KCNIP4: variants seen among roughly 807,000 people sequenced by gnomAD.
KCNIP4 encodes Kv channel-interacting protein 4.
In KCNIP4, 12 loss-of-function variants were observed where a neutral mutation model predicts 34.0. The observed-to-expected ratio is 0.35, with a 90% CI of 0.23 to 0.57. The LOEUF is 0.57. KCNIP4 is among the 20% of genes least tolerant of loss of function. The pLI, the probability that KCNIP4 is intolerant of heterozygous loss-of-function variation, is 0.83. For missense variants in KCNIP4, 238 were observed against 311.7 expected, an observed-to-expected ratio of 0.76 and a Z score of 1.78; for synonymous variants, 124 against 102.2, an observed-to-expected ratio of 1.21 and a Z score of -1.29.
At chr4:21,929,017 T>C (rs1349482822) in intron 1 of KCNIP4, among the ~76,000 whole-genome samples, 31 of 152,100 alleles carry the variant, frequency 2.0e-4, no homozygotes. Context: ...GCACAAATAG[T>C]ATTCAGCACT....
intron 1 of KCNIP4, among the ~76,000 whole-genome samples, chr4:21,911,270 CT>C: frequency 6.6e-6 from 1 of 152,090 alleles, no homozygotes; most frequent in Non-Finnish European, 1.5e-5. Context: ...TGTTCCTATA[CT>C]TGTCAATTAG....
chr4:21,792,614 G>T (rs539650890), intron 1 of KCNIP4, among the ~76,000 whole-genome samples: 1 of 152,326 alleles, frequency 6.6e-6, no homozygotes, highest in Middle Eastern at 3.4e-3. Flanking sequence ...GAGGGTGGAG[G>T]TCGGAGGAAG....
chr4:21,886,166 C>T (rs1210834757), intron 1 of KCNIP4, among the ~76,000 whole-genome samples: 1 of 152,014 alleles, frequency 6.6e-6, no homozygotes, highest in East Asian at 1.9e-4. Flanking sequence ...TTTACTGAAA[C>T]TTATTATGAT....
At chr4:21,768,032 ATC>A (rs1718539717) in intron 1 of KCNIP4, among the ~76,000 whole-genome samples, 2 of 152,126 alleles carry the variant, frequency 1.3e-5, no homozygotes, top group Admixed American at 6.6e-5. Flanking sequence ...TATTATACAC[ATC>A]ATTCCTTAAA....
rs1452799661 is a variant in KCNIP4, at chr4:21,745,766, A to G, written c.61+202805T>C. Among the ~76,000 whole-genome samples, 9 of 152,298 alleles carry G rather than the reference A, an allele frequency of 5.9e-5. No homozygotes were observed. The East Asian group carries it at 1.7e-3, about 29-fold the overall frequency. Reference sequence around the variant, plus strand: ...TATACATGCTTTATGCTAAAAAAATAAGAAAATATTCAAAAGACAAATAAC... The same window carrying G: ...TATACATGCTTTATGCTAAAAAAATGAGAAAATATTCAAAAGACAAATAAC... On this transcript the variant is annotated intron_variant, in intron 1 of 8. Coordinates refer to ENST00000382152, the MANE Select transcript of KCNIP4 (RefSeq NM_025221.6).
intron 1 of KCNIP4, among the ~76,000 whole-genome samples, chr4:21,176,687 A>G (rs867352880): frequency 6.6e-5 from 10 of 152,188 alleles, no homozygotes; most frequent in Middle Eastern, 3.4e-3. Context: ...ACGCCCAGCT[A>G]ATTTTTCCTA....
rs375189591 is a variant in KCNIP4, at chr4:20,850,640, G to C, written c.191C>G (p.Ala64Gly). ...GGCTTCAGGCCGATGCCTGACGGTG[G>C]CCATCTCCAGTTCATCTTCCACGCT... ...QNSVEDELEM[A>G]TVRHRPEALE... The change falls in exon 3 of 9, where the codon GCC (alanine) becomes GGC (glycine). Residue 64 changes from alanine to glycine, a missense_variant. Coordinates refer to ENST00000382152, the MANE Select transcript of KCNIP4 (RefSeq NM_025221.6). 61 of 1,612,152 alleles carry C rather than the reference G, an allele frequency of 3.8e-5. No individual in the cohort carries two copies. The highest frequency in any genetic ancestry group is 6.7e-5 in the Admixed American group (4 of 59,896).
intron 1 of KCNIP4, among the ~76,000 whole-genome samples, chr4:21,755,687 T>G (rs1355301621): frequency 6.6e-6 from 1 of 152,194 alleles, no homozygotes; most frequent in Non-Finnish European, 1.5e-5. Flanking sequence ...GCCACTTAAC[T>G]GGTCAAATAT....
chr4:21,287,980 C>T (rs1250644534), intron 1 of KCNIP4, among the ~76,000 whole-genome samples: 5 of 152,132 alleles, frequency 3.3e-5, no homozygotes, highest in African/African-American at 1.2e-4. Context: ...ATTTGATGAG[C>T]ATCTACTAAG....
chr4:21,168,373 C>T (rs1437008577), intron 1 of KCNIP4, among the ~76,000 whole-genome samples: 1 of 152,132 alleles, frequency 6.6e-6, no homozygotes, highest in East Asian at 1.9e-4. Context: ...CCAACACTTT[C>T]TGCAACTTGA....
intron 1 of KCNIP4, among the ~76,000 whole-genome samples, chr4:21,484,698 C>T (rs1264142004): frequency 6.6e-6 from 1 of 152,098 alleles, no homozygotes. Flanking sequence ...AATCCAAGGG[C>T]CACTTTCTCT....
At chr4:20,957,155 C>T (rs578194914) in intron 1 of KCNIP4, among the ~76,000 whole-genome samples, 1 of 152,288 alleles carries the variant, frequency 6.6e-6, no homozygotes, top group South Asian at 2.1e-4. Flanking sequence ...AAAACAGATG[C>T]ATTAAGTAAA....
intron 1 of KCNIP4, among the ~76,000 whole-genome samples, chr4:21,783,305 G>T (rs1025407835): frequency 3.3e-5 from 5 of 151,904 alleles, no homozygotes; most frequent in African/African-American, 1.2e-4. Context: ...GTTAAACAAA[G>T]CCAAAACTAA....
chr4:21,430,288 C>T lies in KCNIP4; in HGVS notation c.61+518283G>A, dbSNP rs182178303. On this transcript the variant is annotated intron_variant, in intron 1 of 8. Transcript: ENST00000382152. ...TATTTTAATCATTGCCACAAAATTT[C>T]AAAGTGATAACGGCTTTTACAAATT... Among the ~76,000 whole-genome samples, 16 of 151,972 alleles carry T rather than the reference C, an allele frequency of 1.1e-4. 1 individual carries two copies. The South Asian group carries it at 3.1e-3, about 30-fold the overall frequency.
chr4:21,279,790 T>C (rs75685352), intron 1 of KCNIP4, among the ~76,000 whole-genome samples: 2 of 152,068 alleles, frequency 1.3e-5, no homozygotes, highest in Non-Finnish European at 2.9e-5. Flanking sequence ...CCTGGCTTCC[T>C]CTTCTGTAAA....
chr4:21,116,722 A>G (rs1749708975), intron 1 of KCNIP4, among the ~76,000 whole-genome samples: 1 of 152,222 alleles, frequency 6.6e-6, no homozygotes, highest in Admixed American at 6.5e-5. Context: ...TTTGCAGGCC[A>G]TAATAGGCTG....
intron 1 of KCNIP4, among the ~76,000 whole-genome samples, chr4:21,139,780 A>G (rs1470027798): frequency 6.6e-6 from 1 of 152,162 alleles, no homozygotes; most frequent in African/African-American, 2.4e-5. Context: ...GCATCCCATA[A>G]TAAATATCCT....
At chr4:20,864,717 AG>A (rs1236627210) in intron 2 of KCNIP4, among the ~76,000 whole-genome samples, 1 of 152,110 alleles carries the variant, frequency 6.6e-6, no homozygotes, top group African/African-American at 2.4e-5. Context: ...GAGAATTGAA[AG>A]GGGTATTGAG....
rs147613526 is a variant in KCNIP4 at position 20,931,440 on chromosome 4, G to A, written c.62-48731C>T. On this transcript the variant is annotated intron_variant, in intron 1 of 8. Transcript: ENST00000382152. ...AACACAGAGTGGACTTACACAAGCC[G>A]AAATGGTATATACTACTACACAACT... Among the ~76,000 whole-genome samples, 725 of 152,134 alleles carry A rather than the reference G, an allele frequency of 4.8e-3. 11 individuals are homozygous for A. The highest frequency in any genetic ancestry group is 4.8e-3 in the Non-Finnish European group (327 of 67,964).
Sources: allele counts gnomAD v4.1 joint callset (sites outside exome capture counted in the v4.1 genomes callset), GRCh38; gene constraint gnomAD v4.1.1; transcripts MANE v1.5; gene names NCBI Gene and HGNC (gene_info 2026-07-23, HGNC 2026-07-21).